Variants in MIR2052HG observed in about 807,000 individuals in gnomAD.
The protein encoded by MIR2052HG is MIR2052 host gene.
intron 2 of MIR2052HG, among the ~76,000 whole-genome samples, chr8:74,626,648 T>C (rs1013477534): frequency 1.3e-5 from 2 of 152,230 alleles, no homozygotes; most frequent in Non-Finnish European, 2.9e-5. Context: ...TACCATTCTC[T>C]ACCAGTAATA....
chr8:74,663,002 C>T (rs921707771), intron 2 of MIR2052HG, among the ~76,000 whole-genome samples: 1 of 151,654 alleles, frequency 6.6e-6, no homozygotes, highest in Non-Finnish European at 1.5e-5. Context: ...AATGTGATAA[C>T]CAAGATGATA....
intron 4 of MIR2052HG, among the ~76,000 whole-genome samples, chr8:74,736,839 G>A (rs1220788593): frequency 1.3e-5 from 2 of 152,154 alleles, no homozygotes; most frequent in African/African-American, 2.4e-5. Context: ...ACTGTCAGAG[G>A]CTGCATAGGG....
At chr8:74,638,976 A>G (rs1808611492) in intron 2 of MIR2052HG, among the ~76,000 whole-genome samples, 1 of 152,194 alleles carries the variant, frequency 6.6e-6, no homozygotes, top group South Asian at 2.1e-4. Flanking sequence ...ACAAACAAAC[A>G]AAGCCTATAA....
intron 2 of MIR2052HG, among the ~76,000 whole-genome samples, chr8:74,641,251 C>G (rs2128735277): frequency 6.6e-6 from 1 of 152,208 alleles, no homozygotes; most frequent in African/African-American, 2.4e-5. Flanking sequence ...TTATTGGGTC[C>G]TAAAAGCTCT....
intron 2 of MIR2052HG, among the ~76,000 whole-genome samples, chr8:74,617,429 T>G (rs1297686107): frequency 1.3e-5 from 2 of 150,982 alleles, no homozygotes; most frequent in Non-Finnish European, 2.9e-5. Flanking sequence ...ATTTCATTAT[T>G]TTTTATGGCT....
intron 2 of MIR2052HG, among the ~76,000 whole-genome samples, chr8:74,634,972 G>A (rs1026914982): frequency 3.3e-5 from 5 of 152,132 alleles, no homozygotes; most frequent in East Asian, 3.8e-4. Context: ...GAAGGAAAAT[G>A]TATATTCATT....
chr8:74,752,505 C>T (rs1809958380), exon 5 of MIR2052HG: 1 of 455,974 alleles, frequency 2.2e-6, no homozygotes, highest in Non-Finnish European at 4.4e-6. Flanking sequence ...GGAGAGGCTA[C>T]CCAGAGTTCC....
chr8:74,678,025 G>A (rs1809073678), intron 2 of MIR2052HG, among the ~76,000 whole-genome samples: 1 of 152,038 alleles, frequency 6.6e-6, no homozygotes, highest in South Asian at 2.1e-4. Context: ...ATGTTTGAGA[G>A]TATTAACAAA....
intron 2 of MIR2052HG, among the ~76,000 whole-genome samples, chr8:74,693,799 C>A (rs933145967): frequency 2.6e-5 from 4 of 152,082 alleles, no homozygotes; most frequent in Admixed American, 2.0e-4. Flanking sequence ...CCTACAGCAG[C>A]CACAGCAAGC....
intron 2 of MIR2052HG, among the ~76,000 whole-genome samples, chr8:74,635,239 G>A (rs2128734733): frequency 6.7e-6 from 1 of 149,984 alleles, no homozygotes; most frequent in East Asian, 2.0e-4. Flanking sequence ...CACAAAAACA[G>A]ATTTTTTTTT....
intron 2 of MIR2052HG, among the ~76,000 whole-genome samples, chr8:74,681,886 A>T (rs1809129196): frequency 6.6e-6 from 1 of 152,224 alleles, no homozygotes; most frequent in African/African-American, 2.4e-5. Context: ...AAACAGACCC[A>T]TAAGTACATG....
chr8:74,648,609 C>T (rs1342534789), intron 2 of MIR2052HG, among the ~76,000 whole-genome samples: 8 of 152,114 alleles, frequency 5.3e-5, no homozygotes, highest in Non-Finnish European at 1.2e-4. Flanking sequence ...GATGACACCC[C>T]CGGAGGCCCA....
chr8:74,604,702 T>C (rs183984743), intron 1 of MIR2052HG, among the ~76,000 whole-genome samples: 519 of 143,800 alleles, frequency 3.6e-3, no homozygotes, highest in South Asian at 0.017. Context: ...CAAGCGACTC[T>C]CCTGCCTCAG....
intron 1 of MIR2052HG, among the ~76,000 whole-genome samples, chr8:74,604,864 G>A (rs186230242): frequency 6.6e-6 from 1 of 152,154 alleles, no homozygotes; most frequent in Non-Finnish European, 1.5e-5. Context: ...AAAGTGCTGG[G>A]ATTACAGGCG....
intron 2 of MIR2052HG, among the ~76,000 whole-genome samples, chr8:74,613,353 C>G (rs1808228099): frequency 6.6e-6 from 1 of 152,106 alleles, no homozygotes; most frequent in Non-Finnish European, 1.5e-5. Flanking sequence ...GAAATCAGAA[C>G]AGCTATACCA....
chr8:74,655,175 A>G (rs879687516), intron 2 of MIR2052HG, among the ~76,000 whole-genome samples: 1 of 152,194 alleles, frequency 6.6e-6, no homozygotes, highest in Non-Finnish European at 1.5e-5. Context: ...TTTAAAAGAA[A>G]AACAGAGCAT....
At chr8:74,632,449 C>A (rs908280225) in intron 2 of MIR2052HG, 7 of 152,148 alleles carry the variant, frequency 4.6e-5, no homozygotes, top group African/African-American at 9.6e-5. Context: ...GCTATACTTA[C>A]CTCTCATCAG....
chr8:74,726,837 C>T (rs1019746852), intron 4 of MIR2052HG, among the ~76,000 whole-genome samples: 5 of 152,162 alleles, frequency 3.3e-5, no homozygotes, highest in Non-Finnish European at 5.9e-5. Flanking sequence ...GAGATCTGCC[C>T]TATGTTTATA....
At chr8:74,612,309 C>T (rs964261955) in intron 1 of MIR2052HG, 5 of 153,350 alleles carry the variant, frequency 3.3e-5, no homozygotes, top group African/African-American at 1.2e-4. Context: ...CACTTTCATT[C>T]AGAGAACTGT....
Sources: gnomAD v4.1 joint callset for allele counts (sites outside exome capture counted in the v4.1 genomes callset) on GRCh38, gnomAD v4.1.1 for gene constraint, MANE v1.5 for transcripts, NCBI Gene and HGNC (gene_info 2026-07-23, HGNC 2026-07-21) for gene names.